The following WDCP variants were observed in gnomAD, a reference collection of about 807,000 sequenced individuals.
WDCP encodes the protein WD repeat and coiled-coil-containing protein.
WDCP carries 19 observed loss-of-function variants against 41.6 expected under a neutral mutation model. The ratio of observed to expected loss-of-function variants is 0.46; its 90% CI spans 0.32 to 0.67. The LOEUF is 0.67. WDCP is among the 30% of genes least tolerant of loss of function. The pLI is 0.04. For synonymous variants in WDCP, 302 were observed against 320.8 expected (o/e 0.94, Z 0.63); for missense variants, 802 against 850.7 (o/e 0.94, Z 0.71).
At chr2:24,034,936 A>G (rs80190770) in intron 2 of WDCP, among the ~76,000 whole-genome samples, 3,442 of 152,030 alleles carry the variant, frequency 0.023, 48 homozygotes, top group Non-Finnish European at 0.03. Flanking sequence ...TAAGTGTTTT[A>G]AAAACAGAAA....
chr2:24,044,252 A>C (rs915811049), intron 1 of WDCP, among the ~76,000 whole-genome samples: 1 of 150,904 alleles, frequency 6.6e-6, no homozygotes, highest in South Asian at 2.1e-4. Flanking sequence ...AAAAACAAAC[A>C]TAAGTTTACT....
At chr2:24,033,535 G>T (rs1375440200) in intron 2 of WDCP, among the ~76,000 whole-genome samples, 1 of 152,006 alleles carries the variant, frequency 6.6e-6, no homozygotes, top group Non-Finnish European at 1.5e-5. Flanking sequence ...GAGCCCAGGA[G>T]TTCAAGACCA....
chr2:24,043,082 C>T (rs918094213), intron 1 of WDCP, among the ~76,000 whole-genome samples: 12 of 151,910 alleles, frequency 7.9e-5, no homozygotes, highest in Non-Finnish European at 1.5e-4. Flanking sequence ...GCCTTTAATC[C>T]GAGCACTTTG....
At position 24,030,986 on chromosome 2, in the gene WDCP, C is replaced by G. The variant is rs773147439; in HGVS notation, c.2113G>C (p.Ala705Pro). 2 of 1,614,200 alleles carry G rather than the reference C, an allele frequency of 1.2e-6. No homozygotes were observed. Among genetic ancestry groups the G allele is most frequent in the Non-Finnish European group, 1.7e-6 (2 of 1,180,046 alleles). ...SSLKVFTGLA[A>P]PSLDTTGCCN... ...CAGCCAGTGGTATCTAAACTGGGGG[C>G]AGCAAGGCCTGTAAAGACTTTAAGA... The change falls in exon 4 of 4, where the codon GCC (alanine) becomes CCC (proline). Residue 705 changes from alanine to proline, a missense_variant. By Grantham distance (27) the Ala-to-Pro change is conservative. Around this residue, in one of 5 missense-constraint regions of WDCP, gnomAD observed 321 missense variants for 305.1 expected, o/e 1.05. Coordinates refer to ENST00000295148, the MANE Select transcript of WDCP (RefSeq NM_025203.3).
chr2:24,042,931 G>A (rs1663494803), intron 1 of WDCP, among the ~76,000 whole-genome samples: 3 of 151,292 alleles, frequency 2.0e-5, no homozygotes, highest in African/African-American at 7.3e-5. Context: ...TACTCAGGAG[G>A]CTGAGGCAGG....
chr2:24,035,716 A>T, intron 2 of WDCP, among the ~76,000 whole-genome samples: 1 of 151,292 alleles, frequency 6.6e-6, no homozygotes, highest in Non-Finnish European at 1.5e-5. Flanking sequence ...GGACTTCCAA[A>T]CAAGCCTGGG....
chr2:24,030,994 CCT>C lies in WDCP; in HGVS notation c.2103_2104del (p.Gly702ProfsTer13). 1 of 1,614,172 alleles carries C rather than the reference CCT, an allele frequency of 6.2e-7. No individual in the cohort carries two copies. The highest frequency in any genetic ancestry group is 1.1e-5 in the South Asian group (1 of 91,082). On this transcript the variant is annotated frameshift_variant, in exon 4 of 4. Coordinates refer to ENST00000295148, the MANE Select transcript of WDCP (RefSeq NM_025203.3). LOFTEE classifies it low-confidence loss of function (END_TRUNC). ...GGTATCTAAACTGGGGGCAGCAAGG[CCT>C]GTAAAGACTTTAAGAGAAGAAACAG...
intron 2 of WDCP, 145 bp downstream of exon 2, chr2:24,037,532 G>A: frequency 1.1e-6 from 1 of 887,976 alleles, no homozygotes; most frequent in Non-Finnish European, 1.7e-6. Context: ...ACCTGCAAAG[G>A]TGTACCAACT....
Position 24,039,333 on chromosome 2 carries a change from A to G in WDCP, c.162T>C (p.Ile54=). 6.2e-7 allele frequency: 1 copy of G among 1,614,252 alleles called. No individual in the cohort carries two copies. The highest frequency in any genetic ancestry group is 8.5e-7 in the Non-Finnish European group (1 of 1,180,042). The part of the protein sequence containing the change: ...GEVKFGDSKV[I]GQFECVCGLS... ...ACCCACAGACACATTCAAACTGTCC[A>G]ATGACTTTGGAGTCCCCAAACTTGA... The change falls in exon 2 of 4, where the codon ATT becomes ATC. Residue 54 remains isoleucine, a synonymous_variant. Coordinates refer to ENST00000295148, the MANE Select transcript of WDCP (RefSeq NM_025203.3).
At chr2:24,033,059 A>T in intron 2 of WDCP, 113 bp from the exon 3 acceptor site, 2 of 737,170 alleles carry the variant, frequency 2.7e-6, no homozygotes, top group Non-Finnish European at 4.9e-6. Context: ...TATTACCACT[A>T]ATCAACTGGA....
Position 24,037,832 on chromosome 2 carries a change from A to G in WDCP, c.1663T>C (p.Tyr555His), listed in dbSNP as rs752505884. ...RKNLQSEKET[Y>H]QLSKEVEILS... ...ATTTCCACTTCCTTAGACAGCTGATAAGTTTCCTTTTCACTTTGTAAGTTC... is the reference window on the plus strand; with the variant it reads ...ATTTCCACTTCCTTAGACAGCTGATGAGTTTCCTTTTCACTTTGTAAGTTC... The change falls in exon 2 of 4, where the codon TAT becomes CAT. Residue 555 changes from tyrosine to histidine, a missense_variant. Physicochemically the swap from Tyr to His is moderately conservative, Grantham distance 83 (BLOSUM62 2). This residue lies in a region of WDCP where 321 missense variants were observed against 305.1 expected (regional missense o/e 1.05). Coordinates refer to ENST00000295148, the MANE Select transcript of WDCP (RefSeq NM_025203.3). 6.2e-7 allele frequency: 1 copy of G among 1,614,174 alleles called. No individual in the cohort carries two copies. Among genetic ancestry groups the G allele is most frequent in the Non-Finnish European group, 8.5e-7 (1 of 1,180,024 alleles).
chr2:24,043,444 G>A (rs1663515422), intron 1 of WDCP, among the ~76,000 whole-genome samples: 2 of 152,236 alleles, frequency 1.3e-5, no homozygotes, highest in Middle Eastern at 3.4e-3. Flanking sequence ...CCTGGAGTTC[G>A]AGACCAGAGA....
Position 24,039,119 on chromosome 2 carries a change from C to T in WDCP, c.376G>A (p.Ala126Thr), listed in dbSNP as rs1429412501. Residue 126 changes from alanine to threonine, a missense_variant, in exon 2 of 4, where the codon GCT becomes ACT. This residue lies in a region of WDCP where 214 missense variants were observed against 252.9 expected (regional missense o/e 0.85). Transcript: ENST00000295148. ...TGAGCAGTCAACACAGTCAGAATAG[C>T]ACATTTTGGGTGCCACACACAGCCC... ...PQGCVWHPKC[A>T]ILTVLTAQDV... 1.2e-6 allele frequency: 2 copies of T among 1,614,072 alleles called. No individual in the cohort carries two copies. The highest frequency in any genetic ancestry group is 1.7e-6 in the Non-Finnish European group (2 of 1,180,050).
At position 24,042,954 on chromosome 2, in the gene WDCP, AC is replaced by A. The variant is rs560854109; in HGVS notation, c.-18-3443del. ...AGGCTGAGGCAGGAGAATCACTTGAACCCAGGAGGCGGAGGTTGCAGTGAGC... is the reference window on the plus strand; with the variant it reads ...AGGCTGAGGCAGGAGAATCACTTGAACCAGGAGGCGGAGGTTGCAGTGAGC... On this transcript the variant is annotated intron_variant, in intron 1 of 3. Transcript: ENST00000295148. 1.1e-3 allele frequency among the ~76,000 whole-genome samples: 168 copies of A among 148,978 alleles called. 1 individual carries two copies. The highest frequency in any genetic ancestry group is 4.1e-3 in the African/African-American group (165 of 40,156).
chr2:24,032,426 C>T (rs1558331388), intron 3 of WDCP, among the ~76,000 whole-genome samples: 1 of 152,130 alleles, frequency 6.6e-6, no homozygotes, highest in South Asian at 2.1e-4. Context: ...TGCTTGAACC[C>T]GGGAGGCGGA....
rs1663322657 is a variant in WDCP, at chr2:24,038,429, C to T, written c.1066G>A (p.Val356Met). Residue 356 changes from valine (V) to methionine (M), a missense_variant, in exon 2 of 4, where the codon GTG (valine) becomes ATG (methionine). Physicochemically the swap from Val to Met is conservative, Grantham distance 21. Around this residue, in one of 5 missense-constraint regions of WDCP, gnomAD observed 247 missense variants for 240.5 expected, o/e 1.03. Coordinates refer to ENST00000295148, the MANE Select transcript of WDCP (RefSeq NM_025203.3). The stretch of plus-strand genomic sequence containing the variant: ...ATTATATTACAAGTGTTGGAAGCCA[C>T]TGCCACTACGTGGGCTTTAAGATTA... ...AFNLKAHVVA[V>M]ASNTCNIILI... The T allele has an allele frequency of 9.3e-6, 15 of 1,614,148 alleles. No individual in the cohort carries two copies. The highest frequency in any genetic ancestry group is 1.3e-5 in the Non-Finnish European group (15 of 1,180,022).
At position 24,038,160 on chromosome 2, in the gene WDCP, C is replaced by G. The variant is rs1382134045; in HGVS notation, c.1335G>C (p.Gln445His). The G allele has an allele frequency of 1.2e-5, 20 of 1,614,074 alleles. No homozygotes were observed. The highest frequency in any genetic ancestry group is 2.7e-5 in the African/African-American group (2 of 74,936). The change falls in exon 2 of 4, where the codon CAG (glutamine) becomes CAC (histidine). Residue 445 changes from glutamine to histidine, a missense_variant. Coordinates refer to ENST00000295148, the MANE Select transcript of WDCP (RefSeq NM_025203.3). The stretch of plus-strand genomic sequence containing the variant: ...GAGCACTGAAAGTAGAGTAGGTAGT[C>G]TGGCTTTCACCTGATGTTATTGAAG... The part of the protein sequence containing the change: ...EEPSITSGES[Q>H]TTYSTFSAPL...
At chr2:24,036,099 A>C (rs945972289) in intron 2 of WDCP, among the ~76,000 whole-genome samples, 8 of 150,300 alleles carry the variant, frequency 5.3e-5, no homozygotes, top group Non-Finnish European at 8.9e-5. Flanking sequence ...TAAATAAATA[A>C]ATAAATAAAA....
At chr2:24,031,847 G>GAAAT (rs1341345337) in intron 3 of WDCP, among the ~76,000 whole-genome samples, 1 of 151,506 alleles carries the variant, frequency 6.6e-6, no homozygotes, top group Non-Finnish European at 1.5e-5. Context: ...AAGAAAGAAA[G>GAAAT]AAACATTCTG....
Sources: gnomAD v4.1 joint callset for allele counts (sites outside exome capture counted in the v4.1 genomes callset) on GRCh38, gnomAD v4.1.1 for gene constraint, gnomAD v4.1.1 regional missense constraint, MANE v1.5 for transcripts, NCBI Gene and HGNC (gene_info 2026-07-23, HGNC 2026-07-21) for gene names.